Variants in C11orf65 observed in about 807,000 individuals in gnomAD.
C11orf65 encodes protein MFI.
A neutral mutation model predicts 35.3 loss-of-function variants in C11orf65; 38 were observed. The observed-to-expected ratio is 1.08, with a 90% CI of 0.83 to 1.41. The LOEUF is 1.41. Among genes scored for constraint, C11orf65 ranks in the 40% most tolerant of loss-of-function variants. The probability of loss-of-function intolerance (pLI) is 0.00; values close to 1 mark genes in which losing one functional copy is unlikely to be tolerated. For synonymous variants in C11orf65, 105 were observed against 114.4 expected (o/e 0.92, Z 0.53); for missense variants, 370 against 367.1 (o/e 1.01, Z -0.06).
chr11:108,418,278 C>T (rs1250248417), intron 3 of C11orf65, among the ~76,000 whole-genome samples: 10 of 152,000 alleles, frequency 6.6e-5, no homozygotes, highest in Admixed American at 6.6e-4. Flanking sequence ...CTATGCAATA[C>T]TATGCTCAAT....
chr11:108,330,598 G>A (rs2086153431), downstream of C11orf65, among the ~76,000 whole-genome samples: 1 of 152,188 alleles, frequency 6.6e-6, no homozygotes, highest in South Asian at 2.1e-4. Flanking sequence ...TTATTTACAA[G>A]TTCTAGTCTT....
intron 6 of C11orf65, among the ~76,000 whole-genome samples, chr11:108,318,089 C>T (rs1462226006): frequency 2.0e-5 from 3 of 152,022 alleles, no homozygotes; most frequent in South Asian, 2.1e-4. Flanking sequence ...CGGCCAGGCA[C>T]GGTGGCTCAT....
chr11:108,318,886 A>T (rs148069890), intron 6 of C11orf65, among the ~76,000 whole-genome samples: 3 of 152,216 alleles, frequency 2.0e-5, no homozygotes, highest in East Asian at 3.9e-4. Context: ...TAGAAAAAAA[A>T]AATTATTGGC....
At chr11:108,444,901 C>A (rs975631152) in intron 2 of C11orf65, among the ~76,000 whole-genome samples, 8 of 152,170 alleles carry the variant, frequency 5.3e-5, no homozygotes, top group African/African-American at 1.9e-4. Flanking sequence ...AGTCACTTCC[C>A]ATCCTAATAC....
rs376244996 is a variant in C11orf65 at position 108,447,279 on chromosome 11, G to A, written c.81+14200C>T. 6.8e-3 allele frequency among the ~76,000 whole-genome samples: 1,034 copies of A among 151,970 alleles called. 3 individuals carry two copies. The highest frequency in any genetic ancestry group is 8.8e-3 in the Non-Finnish European group (599 of 67,962). On this transcript the variant is annotated intron_variant, in intron 2 of 8. Transcript: ENST00000393084. ...AATTGAACTCAGCTCTGCACCAAGC[G>A]GACCTAATAGACATCTACAGAACTC...
At chr11:108,393,572 A>T (rs181193544) in intron 6 of C11orf65, among the ~76,000 whole-genome samples, 194 bp from the exon 7 acceptor site, 2 of 152,346 alleles carry the variant, frequency 1.3e-5, no homozygotes, top group East Asian at 3.9e-4. Context: ...AAAGCAACTT[A>T]ACCACACTAA....
intron 2 of C11orf65, among the ~76,000 whole-genome samples, chr11:108,456,782 GA>G (rs992071306): frequency 3.9e-5 from 5 of 127,888 alleles, no homozygotes; most frequent in Admixed American, 7.9e-5. Flanking sequence ...ATCAAAGAAA[GA>G]AAAAAAAAAG....
intron 2 of C11orf65, among the ~76,000 whole-genome samples, chr11:108,442,379 G>T (rs2093169055): frequency 6.6e-6 from 1 of 152,170 alleles, no homozygotes; most frequent in South Asian, 2.1e-4. Flanking sequence ...GTGGAGAATG[G>T]AATCAAGTTG....
rs1158350157 is a variant in C11orf65, at chr11:108,345,903, C to G, written c.227-10611G>C. The G allele has an allele frequency of 1.2e-6, 2 of 1,613,594 alleles. No individual in the cohort carries two copies. The highest frequency in any genetic ancestry group is 1.7e-5 in the Admixed American group (1 of 59,996). ...TATACGCGCAGTGTAGCTACTTCTT[C>G]TATTGGTAATCTTCTTGTACATATA... On this transcript the variant is annotated intron_variant, in intron 2 of 3. Coordinates refer to the C11orf65 transcript ENST00000524755.
chr11:108,466,136 G>T (rs1026712310), intron 1 of C11orf65, among the ~76,000 whole-genome samples: 3 of 152,180 alleles, frequency 2.0e-5, no homozygotes, highest in Middle Eastern at 3.2e-3. Context: ...TTGAGTAGGT[G>T]TAAGAGGACA....
intron 6 of C11orf65, chr11:108,316,132 T>G (rs2136134022): frequency 6.2e-7 from 1 of 1,606,178 alleles, no homozygotes; most frequent in East Asian, 2.2e-5. Flanking sequence ...TTTCCCAGAT[T>G]TGGTAAAGCC....
intron 3 of C11orf65, among the ~76,000 whole-genome samples, chr11:108,332,443 A>C (rs1326640213): frequency 1.3e-5 from 2 of 152,120 alleles, no homozygotes; most frequent in South Asian, 2.1e-4. Flanking sequence ...AAATTAATTA[A>C]TTAATTAATT....
intron 6 of C11orf65, among the ~76,000 whole-genome samples, chr11:108,313,440 A>G (rs2084342238): frequency 6.6e-6 from 1 of 152,128 alleles, no homozygotes; most frequent in Non-Finnish European, 1.5e-5. Context: ...TTCCAGTAAA[A>G]TAGCACTTGC....
intron 2 of C11orf65, among the ~76,000 whole-genome samples, chr11:108,372,919 T>C (rs539517625): frequency 6.7e-6 from 1 of 148,410 alleles, no homozygotes; most frequent in African/African-American, 2.5e-5. Context: ...ACCAAAGATT[T>C]AAAAAAAAAA....
At chr11:108,393,950 C>G (rs545349424) in intron 6 of C11orf65, among the ~76,000 whole-genome samples, 1 of 152,066 alleles carries the variant, frequency 6.6e-6, no homozygotes, top group Non-Finnish European at 1.5e-5. Flanking sequence ...GGGAGGCCAA[C>G]ATGGGTGGAT....
chr11:108,316,049 C>A lies in C11orf65; in HGVS notation c.641-6978G>T, dbSNP rs879254147. On this transcript the variant is annotated intron_variant, in intron 6 of 6. Coordinates refer to the C11orf65 transcript ENST00000525729. ...GAACACGAAGCAATGTGGGGCAAAGCCCTAGTAACATATGACCTCGAAACA... is the reference window on the plus strand; with the variant it reads ...GAACACGAAGCAATGTGGGGCAAAGACCTAGTAACATATGACCTCGAAACA... 6.2e-7 allele frequency: 1 copy of A among 1,614,038 alleles called. No homozygotes were observed. The highest frequency in any genetic ancestry group is 8.5e-7 in the Non-Finnish European group (1 of 1,180,016).
At chr11:108,438,546 G>A (rs568671283) in intron 2 of C11orf65, among the ~76,000 whole-genome samples, 13 of 143,132 alleles carry the variant, frequency 9.1e-5, no homozygotes, top group South Asian at 2.1e-4. Context: ...GCAAGATTTC[G>A]TCTGGAAAAA....
intron 2 of C11orf65, chr11:108,355,110 C>G (rs55647629): frequency 5.5e-5 from 29 of 524,376 alleles, no homozygotes; most frequent in Non-Finnish European, 3.8e-5. Context: ...TAAGTAGTCT[C>G]TAGTTTTCAA....
chr11:108,396,862 T>C (rs971787894), intron 6 of C11orf65, among the ~76,000 whole-genome samples: 11 of 146,200 alleles, frequency 7.5e-5, no homozygotes, highest in African/African-American at 2.5e-4. Context: ...AATAAATAAA[T>C]AAATAAATAA....
Sources: gnomAD v4.1 joint callset for allele counts (sites outside exome capture counted in the v4.1 genomes callset) on GRCh38, gnomAD v4.1.1 for gene constraint, MANE v1.5 for transcripts, NCBI Gene and HGNC (gene_info 2026-07-23, HGNC 2026-07-21) for gene names.